Variants in NPC1L1 observed in about 807,000 individuals in gnomAD.
The protein encoded by NPC1L1 is NPC1-like intracellular cholesterol transporter 1.
Under a neutral mutation model 117.0 loss-of-function variants are expected in NPC1L1, and 98 were observed. That is an observed-to-expected ratio of 0.84 (90% CI 0.71 to 0.99). The LOEUF (loss-of-function observed/expected upper bound fraction) is 0.99, where lower values mean the gene tolerates loss of function less well. Among genes scored for constraint, NPC1L1 ranks in the 50% least tolerant of loss-of-function variants. The pLI is 0.00. For missense variants in NPC1L1, 1,540 were observed against 1,710.0 expected (o/e 0.90, Z 1.75); for synonymous variants, 729 against 727.6 (o/e 1.00, Z -0.03).
chr7:44,530,859 A>G (rs566527314), intron 10 of NPC1L1, among the ~76,000 whole-genome samples: 19 of 152,156 alleles, frequency 1.2e-4, no homozygotes, highest in Non-Finnish European at 2.8e-4. Context: ...CCTGGCTTCC[A>G]GGACCCCAGG....
In NPC1L1 at chr7:44,538,090, TG is replaced by T. The variant is rs1205169814; in HGVS notation, c.1580+726del. Among the ~76,000 whole-genome samples the T allele has an allele frequency of 2.6e-5, 4 of 152,400 alleles. No individual in the cohort carries two copies. The East Asian group carries it at 7.7e-4, about 29-fold the overall frequency. The stretch of plus-strand genomic sequence containing the variant: ...TTCATAATAACACTAAGATGCTATT[TG>T]CCCCTTTTAACTCTCATTTGCTCTG... On this transcript the variant is annotated intron_variant, in intron 2 of 18. Coordinates refer to ENST00000381160, the MANE Select transcript of NPC1L1 (RefSeq NM_001101648.2). This position sits in a 1 kb window ranked among gnomAD's most constrained non-coding sequence, Gnocchi z 5.9.
intron 8 of NPC1L1, 76 bp downstream of exon 8, chr7:44,533,355 G>C (rs904136801): frequency 1.3e-6 from 2 of 1,594,084 alleles, no homozygotes; most frequent in African/African-American, 1.3e-5. Flanking sequence ...TCTCTGTGGT[G>C]GTAAAGCCAC....
At position 44,534,337 on chromosome 7, in the gene NPC1L1, A is replaced by G; in HGVS notation, c.2166+110T>C. 1 of 1,004,094 alleles carries G rather than the reference A, an allele frequency of 1.0e-6. No individual in the cohort carries two copies. The highest frequency in any genetic ancestry group is 1.7e-5 in the Admixed American group (1 of 58,620). 62.2% of individuals were successfully genotyped at this position (1,004,094 alleles called of 1,614,324 possible). On this transcript the variant is annotated intron_variant, in intron 6 of 18. Coordinates refer to ENST00000381160, the MANE Select transcript of NPC1L1 (RefSeq NM_001101648.2). This position sits in a 1 kb window ranked among gnomAD's most constrained non-coding sequence, Gnocchi z 5.2. ...TAAACATGCGTGTCGATGAACAGAA[A>G]GAGTCTGCAGGGAGACCCAGCAAAT...
intron 12 of NPC1L1, 136 bp downstream of exon 12, chr7:44,521,576 A>G (rs2117032621): frequency 7.1e-7 from 1 of 1,411,516 alleles, no homozygotes; most frequent in Admixed American, 1.7e-5. Context: ...CTCAGGCCAC[A>G]TCTGCACCCA....
intron 10 of NPC1L1, among the ~76,000 whole-genome samples, chr7:44,523,211 G>A (rs367580242): frequency 1.3e-5 from 2 of 152,070 alleles, no homozygotes; most frequent in Non-Finnish European, 1.5e-5. Flanking sequence ...ATGTGCCACC[G>A]CTCCCAGCTG....
chr7:44,539,901 C>T lies in NPC1L1; in HGVS notation c.496G>A (p.Glu166Lys), dbSNP rs778443348. The T allele has an allele frequency of 5.3e-5, 86 of 1,614,006 alleles. No individual in the cohort carries two copies. Among genetic ancestry groups the T allele is most frequent in the East Asian group, 4.9e-4 (22 of 44,892 alleles). ...YEAFYQHSFA[E>K]QSYDSCSRVR... Reference sequence around the variant, plus strand: ...CGGCTGCAGGAGTCATAGCTCTGCTCGGCAAAGCTATGCTGGTAGAAGGCC... The same window carrying T: ...CGGCTGCAGGAGTCATAGCTCTGCTTGGCAAAGCTATGCTGGTAGAAGGCC... Residue 166 changes from glutamate (E) to lysine (K), a missense_variant, in exon 2 of 19, where the codon GAG becomes AAG. Transcript: ENST00000381160. The surrounding 1 kb of genome is among the most constrained non-coding windows in gnomAD (Gnocchi z 4.4).
At position 44,539,660 on chromosome 7, in the gene NPC1L1, G is replaced by A. The variant is rs1802021539; in HGVS notation, c.737C>T (p.Ser246Phe). Residue 246 changes from serine (S) to phenylalanine (F), a missense_variant, in exon 2 of 19, where the codon TCC becomes TTC. Physicochemically the swap from Ser to Phe is radical, Grantham distance 155. Coordinates refer to ENST00000381160, the MANE Select transcript of NPC1L1 (RefSeq NM_001101648.2). The surrounding 1 kb of genome is among the most constrained non-coding windows in gnomAD (Gnocchi z 4.4). The part of the protein sequence containing the change: ...LNEGVARCNE[S>F]QGDDVATCSC... ...GCAGGTCGCCACGTCGTCACCTTGG[G>A]ACTCATTGCAACGTGCAACCCCCTC... 1 of 1,613,926 alleles carries A rather than the reference G, an allele frequency of 6.2e-7. No homozygotes were observed. The highest frequency in any genetic ancestry group is 1.3e-5 in the African/African-American group (1 of 75,048).
At position 44,515,820 on chromosome 7, in the gene NPC1L1, A is replaced by G; in HGVS notation, c.3779T>C (p.Val1260Ala). The G allele has an allele frequency of 6.2e-7, 1 of 1,614,146 alleles. No individual in the cohort carries two copies. The highest frequency in any genetic ancestry group is 8.5e-7 in the Non-Finnish European group (1 of 1,180,008). Residue 1260 changes from valine (V) to alanine (A), a missense_variant, in exon 18 of 19, where the codon GTC (valine) becomes GCC (alanine). Around this residue, in one of 3 missense-constraint regions of NPC1L1, gnomAD observed 742 missense variants for 873.6 expected, o/e 0.85. Coordinates refer to ENST00000381160, the MANE Select transcript of NPC1L1 (RefSeq NM_001101648.2). ...GLLHGLVFLP[V>A]ILSYVGPDVN... ...GCACTCACCCACGTAGCTGAGGATG[A>G]CGGGCAGGAAGACCAAGCCATGCAG...
chr7:44,536,446 C>T lies in NPC1L1; in HGVS notation c.1682-18G>A. 1 of 1,607,834 alleles carries T rather than the reference C, an allele frequency of 6.2e-7. No homozygotes were observed. Among genetic ancestry groups the T allele is most frequent in the Non-Finnish European group, 8.5e-7 (1 of 1,179,956 alleles). ...GTCCTTTCCTGGGATAAGAAATACT[C>T]AGACCCTTCCTGCTGCACCCGTGCC... On this transcript the variant is annotated intron_variant, in intron 3 of 18. Transcript: ENST00000381160. This position sits in a 1 kb window ranked among gnomAD's most constrained non-coding sequence, Gnocchi z 4.7.
rs1389274738 is a variant in NPC1L1, at chr7:44,522,265, G to A, written c.2638-23C>T. 1.9e-6 allele frequency: 3 copies of A among 1,606,344 alleles called. No individual in the cohort carries two copies. The East Asian group carries it at 6.7e-5, about 36-fold the overall frequency. On this transcript the variant is annotated intron_variant, in intron 10 of 18. Coordinates refer to ENST00000381160, the MANE Select transcript of NPC1L1 (RefSeq NM_001101648.2). ...GTCCTAGGAGTGGAGGAGGGTCAGT[G>A]AGCTTTGGTTCGCTATGCACACCCC...
intron 8 of NPC1L1, chr7:44,533,105 C>CAAA: frequency 7.9e-6 from 2 of 254,318 alleles, no homozygotes; most frequent in Non-Finnish European, 7.7e-6. Context: ...AACTCCGTCT[C>CAAA]AAAAAAAAAA....
At chr7:44,531,717 T>C in intron 10 of NPC1L1, 38 bp downstream of exon 10, 1 of 1,537,922 alleles carries the variant, frequency 6.5e-7, no homozygotes, top group Non-Finnish European at 8.8e-7. Context: ...CCTCCCCAAA[T>C]CCCAGGGGCC....
chr7:44,516,055 C>T, intron 17 of NPC1L1, 29 bp downstream of exon 17: 1 of 1,606,994 alleles, frequency 6.2e-7, no homozygotes, highest in Non-Finnish European at 8.5e-7. Flanking sequence ...TCGAGTGGGG[C>T]ACAGGGTGGC....
intron 10 of NPC1L1, among the ~76,000 whole-genome samples, chr7:44,530,601 A>G (rs1801667521): frequency 6.6e-6 from 1 of 152,220 alleles, no homozygotes; most frequent in South Asian, 2.1e-4. Flanking sequence ...TAAAAGCAGT[A>G]AGAAACAAAT....
At position 44,539,380 on chromosome 7, in the gene NPC1L1, C is replaced by A; in HGVS notation, c.1017G>T (p.Gln339His). The change falls in exon 2 of 19, where the codon CAG (glutamine) becomes CAT (histidine). Residue 339 changes from glutamine (Q) to histidine (H), a missense_variant. This residue lies in a region of NPC1L1 where 793 missense variants were observed against 820.4 expected (regional missense o/e 0.97). Transcript: ENST00000381160. The surrounding 1 kb of genome is among the most constrained non-coding windows in gnomAD (Gnocchi z 4.4). ...LSFSTHTLLG[Q>H]FFQGWGTWVA... ...CCCACGTGCCCCAGCCCTGGAAGAA[C>A]TGGCCAAGGAGGGTGTGGGTGGAGA... The A allele has an allele frequency of 6.2e-7, 1 of 1,613,722 alleles. No individual in the cohort carries two copies. Among genetic ancestry groups the A allele is most frequent in the Non-Finnish European group, 8.5e-7 (1 of 1,179,690 alleles).
Position 44,535,843 on chromosome 7 carries a change from C to A in NPC1L1, c.1980G>T (p.Val660=), listed in dbSNP as rs780348619. Reference sequence around the variant, plus strand: ...CTGTGTCCCTCCCGCTTCTCACCATCACTCGGCTCCAGCTGGAATAGCTGC... The same window carrying A: ...CTGTGTCCCTCCCGCTTCTCACCATAACTCGGCTCCAGCTGGAATAGCTGC... ...ALGSYSSWSR[V]MVDSKATLGL... Residue 660 remains valine, a synonymous_variant, in exon 5 of 19, where the codon GTG becomes GTT. Coordinates refer to ENST00000381160, the MANE Select transcript of NPC1L1 (RefSeq NM_001101648.2). 3 of 1,612,932 alleles carry A rather than the reference C, an allele frequency of 1.9e-6. No individual in the cohort carries two copies. In the South Asian group the frequency reaches 3.3e-5, roughly 18 times the overall value.
chr7:44,516,293 C>T (rs1801184472), intron 16 of NPC1L1, 96 bp from the exon 17 acceptor site: 1 of 1,029,230 alleles, frequency 9.7e-7, no homozygotes, highest in African/African-American at 1.6e-5. Context: ...GGGCAGGCAT[C>T]TAGATTCTAG....
rs374252961 is a variant in NPC1L1, at chr7:44,540,086, G to A, written c.311C>T (p.Ser104Leu). The A allele has an allele frequency of 4.4e-5, 71 of 1,614,046 alleles. No homozygotes were observed. The highest frequency in any genetic ancestry group is 2.0e-4 in the African/African-American group (15 of 74,916). ...GCGGGTGAGGAGGGCCTTGGTGATC[G>A]ACAGACTCGCTTCCAGTGATACCAG... ...KQLVSLEASL[S>L]ITKALLTRCP... The change falls in exon 2 of 19, where the codon TCG becomes TTG. Residue 104 changes from serine (S) to leucine (L), a missense_variant. By Grantham distance (145) the Ser-to-Leu change is moderately radical. Transcript: ENST00000381160.
Position 44,534,638 on chromosome 7 carries a change from C to T in NPC1L1, c.1984-9G>A. ...GTGGCCTTGGAGTCCACCTGCAATG[C>T]AAACAGGCTCAGCCCCCTAGCCACT... On this transcript the variant is annotated splice_polypyrimidine_tract_variant and intron_variant, in intron 5 of 18. Coordinates refer to ENST00000381160, the MANE Select transcript of NPC1L1 (RefSeq NM_001101648.2). This position sits in a 1 kb window ranked among gnomAD's most constrained non-coding sequence, Gnocchi z 5.2. The T allele has an allele frequency of 6.2e-7, 1 of 1,613,700 alleles. No homozygotes were observed. The highest frequency in any genetic ancestry group is 8.5e-7 in the Non-Finnish European group (1 of 1,179,870).
Sources: gnomAD v4.1 joint callset for allele counts (sites outside exome capture counted in the v4.1 genomes callset) on GRCh38, gnomAD v4.1.1 for gene constraint, gnomAD v4.1.1 regional missense constraint, Gnocchi (gnomAD v3.1) non-coding constraint, MANE v1.5 for transcripts, NCBI Gene and HGNC (gene_info 2026-07-23, HGNC 2026-07-21) for gene names.